The following NPLOC4 variants were observed in gnomAD, a reference collection of about 807,000 sequenced individuals.
NPLOC4 encodes the protein NPL4 homolog, ubiquitin recognition factor.
A neutral mutation model predicts 80.6 loss-of-function variants in NPLOC4; 18 were observed. The ratio of observed to expected loss-of-function variants is 0.22; its 90% CI spans 0.15 to 0.33. NPLOC4 has a LOEUF of 0.33. Among genes scored for constraint, NPLOC4 ranks in the 10% least tolerant of loss-of-function variants. The pLI is 1.00. For synonymous variants in NPLOC4, 313 were observed against 301.5 expected (o/e 1.04, Z -0.39); for missense variants, 540 against 786.1 (o/e 0.69, Z 3.74).
intron 13 of NPLOC4, among the ~76,000 whole-genome samples, chr17:81,569,394 C>T (rs1381160616): frequency 6.6e-6 from 1 of 152,246 alleles, no homozygotes; most frequent in Non-Finnish European, 1.5e-5. Context: ...GGACTCCCCT[C>T]GTGGCACAGC....
chr17:81,588,065 A>T (rs1422731337), intron 12 of NPLOC4: 1 of 152,200 alleles, frequency 6.6e-6, no homozygotes, highest in Non-Finnish European at 1.5e-5. Context: ...TGGAATGAAA[A>T]CTACAATGTC....
At chr17:81,569,799 G>A (rs1442026950) in intron 13 of NPLOC4, among the ~76,000 whole-genome samples, 1 of 152,134 alleles carries the variant, frequency 6.6e-6, no homozygotes, top group African/African-American at 2.4e-5. Flanking sequence ...TGACAACAGA[G>A]GGCACTTTGC....
chr17:81,578,912 T>C (rs2034368470), intron 12 of NPLOC4, among the ~76,000 whole-genome samples: 1 of 152,272 alleles, frequency 6.6e-6, no homozygotes, highest in Non-Finnish European at 1.5e-5. Context: ...CATTTCATAT[T>C]TAAAATGTTC....
intron 16 of NPLOC4, chr17:81,564,109 C>CACACACAG (rs1568114614): frequency 9.2e-4 from 309 of 334,864 alleles, no homozygotes; most frequent in South Asian, 2.0e-3. Flanking sequence ...CACACACACA[C>CACACACAG]ACACACACAA....
At chr17:81,629,063 A>G (rs969135243) in intron 2 of NPLOC4, among the ~76,000 whole-genome samples, 4 of 152,084 alleles carry the variant, frequency 2.6e-5, no homozygotes, top group Non-Finnish European at 5.9e-5. Flanking sequence ...TATTTTTACT[A>G]GAGATAGGGT....
At chr17:81,574,683 G>C (rs929540892) in intron 12 of NPLOC4, among the ~76,000 whole-genome samples, 2 of 152,184 alleles carry the variant, frequency 1.3e-5, no homozygotes, top group African/African-American at 4.8e-5. Context: ...TTGACACCAA[G>C]AGAAATCCAG....
At chr17:81,590,283 C>T (rs934995738) in intron 11 of NPLOC4, among the ~76,000 whole-genome samples, 4 of 152,164 alleles carry the variant, frequency 2.6e-5, no homozygotes, top group East Asian at 1.9e-4. Flanking sequence ...TCCACTCCAT[C>T]GAAGCCTCCA....
chr17:81,613,540 A>C (rs2035398034), intron 3 of NPLOC4, 46 bp from the exon 4 acceptor site: 2 of 1,556,100 alleles, frequency 1.3e-6, no homozygotes, highest in Non-Finnish European at 1.7e-6. Context: ...TTACCACCTG[A>C]GCTTCATGGA....
intron 16 of NPLOC4, chr17:81,565,094 C>A: frequency 3.5e-6 from 2 of 578,812 alleles, no homozygotes; most frequent in Non-Finnish European, 6.1e-6. Flanking sequence ...AACATGGATG[C>A]TGCAGGCTTC....
Position 81,559,427 on chromosome 17 carries a change from G to A in NPLOC4, c.1670-11C>T, listed in dbSNP as rs765659882. ...GCCCGCCAACTGTGCCTGCAGGGTGGAAGAGAAATGAGCACTCATCATTTC... is the reference window on the plus strand; with the variant it reads ...GCCCGCCAACTGTGCCTGCAGGGTGAAAGAGAAATGAGCACTCATCATTTC... On this transcript the variant is annotated splice_polypyrimidine_tract_variant and intron_variant, in intron 16 of 16. Transcript: ENST00000331134. 1.9e-6 allele frequency: 3 copies of A among 1,605,532 alleles called. No individual in the cohort carries two copies. Among genetic ancestry groups the A allele is most frequent in the Admixed American group, 1.7e-5 (1 of 58,876 alleles).
intron 2 of NPLOC4, among the ~76,000 whole-genome samples, chr17:81,628,212 T>TA (rs1193510260): frequency 2.5e-3 from 251 of 101,568 alleles, no homozygotes; most frequent in Middle Eastern, 0.018. Flanking sequence ...CTCCCTCTCA[T>TA]AAAAAAAAAA....
chr17:81,598,012 G>A (rs1828406632), intron 9 of NPLOC4, among the ~76,000 whole-genome samples: 1 of 146,382 alleles, frequency 6.8e-6, no homozygotes, highest in African/African-American at 2.5e-5. Flanking sequence ...GGAGAATGGT[G>A]TGAACCCGGG....
Position 81,572,969 on chromosome 17 carries a change from C to A in NPLOC4, c.1282-881G>T, listed in dbSNP as rs957373860. ...AAAGTCTCAACTTGTTTTGCTTTGT[C>A]AGATGCACAGAACATAAAGTTTAAT... On this transcript the variant is annotated intron_variant, in intron 12 of 16. Coordinates refer to ENST00000331134, the MANE Select transcript of NPLOC4 (RefSeq NM_017921.4). This position sits in a 1 kb window ranked among gnomAD's most constrained non-coding sequence, Gnocchi z 4.5. Among the ~76,000 whole-genome samples the A allele has an allele frequency of 6.6e-6, 1 of 152,194 alleles. No individual in the cohort carries two copies. Among genetic ancestry groups the A allele is most frequent in the Non-Finnish European group, 1.5e-5 (1 of 68,030 alleles).
intron 3 of NPLOC4, among the ~76,000 whole-genome samples, chr17:81,621,662 A>C (rs1246036102): frequency 1.3e-5 from 2 of 152,224 alleles, no homozygotes; most frequent in South Asian, 2.1e-4. Context: ...ACTGGCACCA[A>C]CAACACGACC....
Position 81,606,789 on chromosome 17 carries a change from T to C in NPLOC4, c.556A>G (p.Ile186Val), listed in dbSNP as rs2035215626. The C allele has an allele frequency of 6.2e-7, 1 of 1,613,346 alleles. No homozygotes were observed. Among genetic ancestry groups the C allele is most frequent in the Non-Finnish European group, 8.5e-7 (1 of 1,179,724 alleles). ...DKGKFVALEN[I>V]SCKIKSGCEG... Reference sequence around the variant, plus strand: ...CACCCTGACTTAATCTTGCAGCTGATGTTCTCCAGGGCAACAAACTTCCCC... The same window carrying C: ...CACCCTGACTTAATCTTGCAGCTGACGTTCTCCAGGGCAACAAACTTCCCC... Residue 186 changes from isoleucine to valine, a missense_variant, in exon 7 of 17, where the codon ATC becomes GTC. Around this residue, in one of 6 missense-constraint regions of NPLOC4, gnomAD observed 61 missense variants for 156.7 expected, o/e 0.39. Coordinates refer to ENST00000331134, the MANE Select transcript of NPLOC4 (RefSeq NM_017921.4).
At chr17:81,575,295 G>A (rs112271845) in intron 12 of NPLOC4, among the ~76,000 whole-genome samples, 21,791 of 152,080 alleles carry the variant, frequency 0.14, 1,858 homozygotes, top group Admixed American at 0.23. Flanking sequence ...TAGAGACGGG[G>A]TTTCACCGTG....
chr17:81,597,814 G>A (rs1470985021), intron 9 of NPLOC4, among the ~76,000 whole-genome samples: 1 of 151,260 alleles, frequency 6.6e-6, no homozygotes, highest in African/African-American at 2.4e-5. Context: ...AGCTGGGCGT[G>A]GCCGGGTGTG....
chr17:81,610,427 T>G (rs979307381), intron 4 of NPLOC4, among the ~76,000 whole-genome samples, 169 bp from the exon 5 acceptor site: 8 of 152,202 alleles, frequency 5.3e-5, no homozygotes, highest in African/African-American at 1.9e-4. Flanking sequence ...TGTTTTGTTT[T>G]GTTTAAAGAC....
intron 1 of NPLOC4, 88 bp from the exon 2 acceptor site, chr17:81,629,893 C>A: frequency 1.1e-6 from 1 of 950,840 alleles, no homozygotes; most frequent in Non-Finnish European, 1.7e-6. Flanking sequence ...CTTTTAGCAT[C>A]TGGGTCACTG....
Sources: gnomAD v4.1 joint callset for allele counts (sites outside exome capture counted in the v4.1 genomes callset) on GRCh38, gnomAD v4.1.1 for gene constraint, gnomAD v4.1.1 regional missense constraint, Gnocchi (gnomAD v3.1) non-coding constraint, MANE v1.5 for transcripts, NCBI Gene and HGNC (gene_info 2026-07-23, HGNC 2026-07-21) for gene names.